The following PRDX1 variants were observed in gnomAD, a reference collection of about 807,000 sequenced individuals.
PRDX1 encodes the protein peroxiredoxin 1.
Under a neutral mutation model 20.7 loss-of-function variants are expected in PRDX1, and 19 were observed. The observed-to-expected ratio is 0.92, with a 90% CI of 0.64 to 1.35. The LOEUF (loss-of-function observed/expected upper bound fraction) is 1.35, where lower values mean the gene tolerates loss of function less well. Ranked by LOEUF, PRDX1 falls within the 40% of genes most tolerant of loss-of-function variation. The pLI is 0.00. For synonymous variants in PRDX1, 89 were observed against 83.9 expected, an observed-to-expected ratio of 1.06 and a Z score of -0.33; for missense variants, 226 against 240.0, an observed-to-expected ratio of 0.94 and a Z score of 0.38.
At chr1:45,512,994 C>T (rs1209859550) in intron 5 of PRDX1, 3 of 152,164 alleles carry the variant, frequency 2.0e-5, no homozygotes, top group African/African-American at 7.2e-5. Flanking sequence ...AACTTCATTT[C>T]CTTTAAATTA....
intron 1 of PRDX1, among the ~76,000 whole-genome samples, 155 bp from the exon 2 acceptor site, chr1:45,519,209 C>T (rs1470729165): frequency 1.3e-5 from 2 of 152,248 alleles, no homozygotes; most frequent in Non-Finnish European, 2.9e-5. Flanking sequence ...CTCCAGCCAG[C>T]AGTCAAGGGT....
At chr1:45,512,199 C>T (rs1643765220) in intron 5 of PRDX1, 1 of 146,514 alleles carries the variant, frequency 6.8e-6, no homozygotes, top group African/African-American at 2.5e-5. Context: ...GATTCTCCTG[C>T]ATCAGCCTCC....
Position 45,514,964 on chromosome 1 carries a change from C to G in PRDX1, c.292G>C (p.Gly98Arg). The change falls in exon 4 of 6, where the codon GGA becomes CGA. Residue 98 changes from glycine (G) to arginine (R), a missense_variant. Physicochemically the swap from Gly to Arg is moderately radical, Grantham distance 125. Coordinates refer to ENST00000319248, the MANE Select transcript of PRDX1 (RefSeq NM_181697.3). ...GATACCAAAGGAATGTTCATGGGTC[C>G]CAGTCCTCCTTGTTTCTTAGGTGTA... ...VNTPKKQGGL[G>R]PMNIPLVSDP... The G allele has an allele frequency of 6.2e-7, 1 of 1,614,234 alleles. No homozygotes were observed.
intron 2 of PRDX1, among the ~76,000 whole-genome samples, chr1:45,518,282 G>A (rs2149329260): frequency 1.3e-5 from 2 of 151,930 alleles, no homozygotes; most frequent in Middle Eastern, 6.8e-3. Context: ...GACCACCATG[G>A]AGAAACCCCG....
At chr1:45,511,579 C>T (rs982922399) in intron 5 of PRDX1, 165 bp from the exon 6 acceptor site, 1 of 455,556 alleles carries the variant, frequency 2.2e-6, no homozygotes, top group Non-Finnish European at 3.9e-6. Flanking sequence ...AACCATTTTA[C>T]AAACATATAA....
intron 1 of PRDX1, among the ~76,000 whole-genome samples, 170 bp from the exon 2 acceptor site, chr1:45,519,224 GTC>G (rs1185439652): frequency 6.6e-6 from 1 of 152,252 alleles, no homozygotes; most frequent in Non-Finnish European, 1.5e-5. Flanking sequence ...AAGGGTCACA[GTC>G]TGAGCTTTCC....
chr1:45,515,041 G>T, intron 3 of PRDX1, 46 bp from the exon 4 acceptor site: 1 of 1,604,080 alleles, frequency 6.2e-7, no homozygotes, highest in South Asian at 1.1e-5. Context: ...CTCTTGACTT[G>T]ACTGTACGCA....
chr1:45,516,726 G>C (rs921984746), intron 2 of PRDX1, among the ~76,000 whole-genome samples: 2 of 152,088 alleles, frequency 1.3e-5, no homozygotes, highest in Non-Finnish European at 2.9e-5. Flanking sequence ...AACAGGCTGG[G>C]TGTGGTGGCA....
chr1:45,519,763 T>C (rs1570854300), intron 1 of PRDX1, among the ~76,000 whole-genome samples: 1 of 152,112 alleles, frequency 6.6e-6, no homozygotes, highest in South Asian at 2.1e-4. Context: ...ACCCGGCTAA[T>C]TTTTTTGTAC....
chr1:45,514,393 T>G lies in PRDX1; in HGVS notation c.514+114A>C, dbSNP rs575421113. The G allele has an allele frequency of 3.1e-6, 4 of 1,310,242 alleles. No homozygotes were observed. In the African/African-American group the frequency reaches 5.9e-5, roughly 19 times the overall value. 81.2% of individuals were successfully genotyped at this position (1,310,242 alleles called of 1,614,324 possible). A position where few individuals can be genotyped will look rare whatever the true frequency, so the allele number is the denominator to read the frequency against. On this transcript the variant is annotated intron_variant, in intron 5 of 5. Coordinates refer to ENST00000319248, the MANE Select transcript of PRDX1 (RefSeq NM_181697.3). Reference sequence around the variant, plus strand: ...TTTCTTTCTCTATACTTTGTCTACGTGTCTTTTTCCAAGTCTCTCATTCCA... The same window carrying G: ...TTTCTTTCTCTATACTTTGTCTACGGGTCTTTTTCCAAGTCTCTCATTCCA...
At chr1:45,512,808 G>GTCA (rs1643779831) in intron 5 of PRDX1, 2 of 152,252 alleles carry the variant, frequency 1.3e-5, no homozygotes, top group Admixed American at 6.5e-5. Flanking sequence ...TGAGCCATGT[G>GTCA]TCATCTGTCC....
Position 45,515,890 on chromosome 1 carries a change from G to C in PRDX1, c.107-83C>G. The C allele has an allele frequency of 3.8e-6, 5 of 1,328,492 alleles. No homozygotes were observed. The South Asian group carries it at 8.0e-5, about 21-fold the overall frequency. The allele number at this position is 1,328,492 out of a possible 1,614,324, so 82.3% of individuals were successfully genotyped here. A position where few individuals can be genotyped will look rare whatever the true frequency, so the allele number is the denominator to read the frequency against. ...TTTCCTATACAAAAAGAAGCAAGTT[G>C]ATGGCTGACACAATAACCACTAACT... is the stretch of plus-strand genomic sequence containing the variant. On this transcript the variant is annotated intron_variant, in intron 2 of 5. Coordinates refer to ENST00000319248, the MANE Select transcript of PRDX1 (RefSeq NM_181697.3).
At chr1:45,520,853 G>A (rs1165356154) in intron 1 of PRDX1, among the ~76,000 whole-genome samples, 2 of 151,934 alleles carry the variant, frequency 1.3e-5, no homozygotes, top group South Asian at 2.1e-4. Flanking sequence ...GCAGTAAGCC[G>A]AGACCGCGCC....
Position 45,514,903 on chromosome 1 carries a change from A to C in PRDX1, c.353T>G (p.Val118Gly), listed in dbSNP as rs754717629. 14 of 1,614,022 alleles carry C rather than the reference A, an allele frequency of 8.7e-6. No individual in the cohort carries two copies. Among genetic ancestry groups the C allele is most frequent in the Non-Finnish European group, 1.0e-5 (12 of 1,180,030 alleles). Residue 118 changes from valine (V) to glycine (G), a missense_variant, in exon 4 of 6, where the codon GTC becomes GGC. By Grantham distance (109) the Val-to-Gly change is moderately radical. Coordinates refer to ENST00000319248, the MANE Select transcript of PRDX1 (RefSeq NM_181697.3). ...CGAGATGCCTTCATCAGCCTTTAAG[A>C]CCCCATAATCCTGAGCAATGGTGCG... ...PKRTIAQDYG[V>G]LKADEGISFR...
chr1:45,514,753 C>T (rs1409579537), intron 4 of PRDX1, 116 bp from the exon 5 acceptor site: 38 of 1,569,072 alleles, frequency 2.4e-5, no homozygotes, highest in Admixed American at 7.1e-5. Context: ...CTGGCCTGGC[C>T]TTAGTGAGGA....
intron 1 of PRDX1, among the ~76,000 whole-genome samples, chr1:45,520,327 G>A (rs1466348711): frequency 6.6e-6 from 1 of 152,050 alleles, no homozygotes; most frequent in Non-Finnish European, 1.5e-5. Context: ...GTGGGTTCCT[G>A]ACTTTGGGGC....
chr1:45,515,450 T>A (rs1465405935), intron 3 of PRDX1, among the ~76,000 whole-genome samples: 1 of 151,628 alleles, frequency 6.6e-6, no homozygotes, highest in Non-Finnish European at 1.5e-5. Flanking sequence ...ATACAAAAAA[T>A]TAGCCAGGTA....
rs34242105 is a variant in PRDX1 at position 45,519,601 on chromosome 1, T to C, written c.-11-547A>G. 2.3e-3 allele frequency among the ~76,000 whole-genome samples: 349 copies of C among 152,332 alleles called. 4 individuals are homozygous for C. Among genetic ancestry groups the C allele is most frequent in the African/African-American group, 8.0e-3 (333 of 41,566 alleles). On this transcript the variant is annotated intron_variant, in intron 1 of 5. Coordinates refer to ENST00000319248, the MANE Select transcript of PRDX1 (RefSeq NM_181697.3). ...CAACTTGTTTTATTTGTTTTTGTTT[T>C]GTTTTGTTTTTTTGACGGAGTTTCG...
At chr1:45,521,275 C>T (rs1017342973) in intron 1 of PRDX1, among the ~76,000 whole-genome samples, 3 of 152,170 alleles carry the variant, frequency 2.0e-5, no homozygotes, top group African/African-American at 7.2e-5. Context: ...GCCCCCTGTC[C>T]CTCCCCAGCA....
Sources: allele counts gnomAD v4.1 joint callset (sites outside exome capture counted in the v4.1 genomes callset), GRCh38; gene constraint gnomAD v4.1.1; transcripts MANE v1.5; gene names NCBI Gene and HGNC (gene_info 2026-07-23, HGNC 2026-07-21).